TMEM192: variants seen among roughly 807,000 people sequenced by gnomAD.
TMEM192 encodes the protein transmembrane protein 192.
Under a neutral mutation model 26.7 loss-of-function variants are expected in TMEM192, and 20 were observed. The observed-to-expected ratio is 0.75, with a 90% confidence interval of 0.53 to 1.09. TMEM192 has a LOEUF of 1.09. TMEM192 is among the 50% of genes least tolerant of loss of function. TMEM192 has a pLI of 0.00. For synonymous variants in TMEM192, 124 were observed against 121.0 expected (o/e 1.02, Z -0.16); for missense variants, 304 against 322.6 (o/e 0.94, Z 0.44).
intron 1 of TMEM192, among the ~76,000 whole-genome samples, chr4:165,104,045 C>T (rs1176420895): frequency 2.0e-5 from 3 of 152,156 alleles, no homozygotes; most frequent in Admixed American, 1.3e-4. Context: ...ATCACTTGGA[C>T]CCAGGAGGTG....
At position 165,106,668 on chromosome 4, in the gene TMEM192, C is replaced by T. The variant is rs945079003; in HGVS notation, c.28-3572G>A. ...TTTGGACATCAGACTCCAGATTCTT[C>T]GGCCTTTGGACTCTGAAACCTGCAC... On this transcript the variant is annotated intron_variant, in intron 1 of 5. Coordinates refer to ENST00000306480, the MANE Select transcript of TMEM192 (RefSeq NM_001100389.2). Among the ~76,000 whole-genome samples the T allele has an allele frequency of 1.4e-4, 22 of 152,228 alleles. 1 individual carries two copies. The highest frequency in any genetic ancestry group is 9.8e-4 in the Admixed American group (15 of 15,274).
intron 3 of TMEM192, among the ~76,000 whole-genome samples, chr4:165,093,396 A>AGTTTGGTGTTTTT (rs1455930659): frequency 6.6e-6 from 1 of 152,034 alleles, no homozygotes; most frequent in African/African-American, 2.4e-5. Flanking sequence ...CGCCTGGCCA[A>AGTTTGGTGTTTTT]TACAGTTTTA....
chr4:165,098,372 G>T (rs181969011), intron 3 of TMEM192, among the ~76,000 whole-genome samples: 1 of 151,886 alleles, frequency 6.6e-6, no homozygotes, highest in Non-Finnish European at 1.5e-5. Context: ...GAATCTACCC[G>T]CCTCGGCCTC....
At chr4:165,093,035 C>T (rs1446576530) in intron 3 of TMEM192, among the ~76,000 whole-genome samples, 1 of 149,864 alleles carries the variant, frequency 6.7e-6, no homozygotes, top group African/African-American at 2.4e-5. Flanking sequence ...AGCATATTGA[C>T]AGATTCTTTG....
At position 165,078,811 on chromosome 4, in the gene TMEM192, A is replaced by G. The variant is rs1410263422; in HGVS notation, c.*847T>C. 1 of 152,434 alleles carries G rather than the reference A, an allele frequency of 6.6e-6. No homozygotes were observed. Among genetic ancestry groups the G allele is most frequent in the Non-Finnish European group, 1.5e-5 (1 of 68,272 alleles). The allele number at this position is 152,434 out of a possible 1,614,324, so 9.4% of individuals were successfully genotyped here. ...TCTTTTTCTTTTTTGTTTTTTTGAG[A>G]CGGAGTCTCGCTCTGTCGCCCAGGC... On this transcript the variant is annotated 3_prime_UTR_variant, in exon 6 of 6. Transcript: ENST00000306480.
intron 1 of TMEM192, among the ~76,000 whole-genome samples, chr4:165,107,645 A>G (rs554576590): frequency 2.0e-5 from 3 of 152,276 alleles, no homozygotes; most frequent in South Asian, 2.1e-4. Flanking sequence ...CGCCTGGCCA[A>G]GGATTTGCCT....
chr4:165,091,331 C>T (rs796831851), intron 3 of TMEM192, among the ~76,000 whole-genome samples: 14 of 152,142 alleles, frequency 9.2e-5, no homozygotes, highest in African/African-American at 3.4e-4. Context: ...TAGGGAGAGT[C>T]TTGTGGGATT....
chr4:165,093,097 C>CTTTTTTTTTTTTTT, intron 3 of TMEM192, among the ~76,000 whole-genome samples: 2 of 120,950 alleles, frequency 1.7e-5, no homozygotes, highest in African/African-American at 3.1e-5. Flanking sequence ...TTTTTTTCTT[C>CTTTTTTTTTTTTTT]TTTTTTTTTT....
intron 3 of TMEM192, among the ~76,000 whole-genome samples, chr4:165,094,864 C>T (rs1159361192): frequency 2.0e-5 from 3 of 151,858 alleles, no homozygotes; most frequent in African/African-American, 7.3e-5. Flanking sequence ...ATCCCAGCTA[C>T]TCAGGAGGCT....
intron 1 of TMEM192, among the ~76,000 whole-genome samples, chr4:165,110,482 G>C (rs192578517): frequency 3.9e-5 from 6 of 152,326 alleles, no homozygotes; most frequent in African/African-American, 1.2e-4. Context: ...CACTTTGGGA[G>C]GCCAAGGCAG....
chr4:165,103,096 C>A lies in TMEM192; in HGVS notation c.28G>T (p.Gly10Cys). Residue 10 changes from glycine to cysteine, a missense_variant and splice_region_variant, in exon 2 of 6, where the codon GGT becomes TGT. By Grantham distance (159) the Gly-to-Cys change is radical. Transcript: ENST00000306480. MAAGGRMED[G>C]SLDITQSIED... ...ATACTCTGGGTGATATCCAAGGAAC[C>A]CTGGGGTGCAGAAAAACAAGCAACC... 1 of 1,597,162 alleles carries A rather than the reference C, an allele frequency of 6.3e-7. No individual in the cohort carries two copies. The highest frequency in any genetic ancestry group is 2.2e-5 in the East Asian group (1 of 44,628).
chr4:165,112,111 T>A (rs1735305753), intron 1 of TMEM192, among the ~76,000 whole-genome samples: 1 of 152,264 alleles, frequency 6.6e-6, no homozygotes, highest in Non-Finnish European at 1.5e-5. Context: ...TTTGGTAATC[T>A]GGTTTGAATC....
At position 165,078,121 on chromosome 4, in the gene TMEM192, A is replaced by G. The variant is rs1734431700; in HGVS notation, c.*1537T>C. ...TTTAGAATGCCCCGGCAATGGCTGT[A>G]TCTAAAAGAAACAGGTATTTGCCCT... On this transcript the variant is annotated 3_prime_UTR_variant, in exon 6 of 6. Transcript: ENST00000306480. 1 of 152,170 alleles carries G rather than the reference A, an allele frequency of 6.6e-6. No homozygotes were observed. The highest frequency in any genetic ancestry group is 2.1e-4 in the South Asian group (1 of 4,834). 9.4% of individuals were successfully genotyped at this position (152,170 alleles called of 1,614,324 possible).
chr4:165,104,584 G>A (rs1227844697), intron 1 of TMEM192, among the ~76,000 whole-genome samples: 1 of 152,184 alleles, frequency 6.6e-6, no homozygotes, highest in Non-Finnish European at 1.5e-5. Context: ...AGGCTGGAGT[G>A]CAGTGGCTCA....
Position 165,085,655 on chromosome 4 carries a change from T to C in TMEM192, c.608A>G (p.Glu203Gly). 1 of 1,612,136 alleles carries C rather than the reference T, an allele frequency of 6.2e-7. No individual in the cohort carries two copies. The highest frequency in any genetic ancestry group is 8.5e-7 in the Non-Finnish European group (1 of 1,179,216). The change falls in exon 5 of 6, where the codon GAG (glutamate) becomes GGG (glycine). Residue 203 changes from glutamate to glycine, a missense_variant. By Grantham distance (98) the Glu-to-Gly change is moderately conservative. Coordinates refer to ENST00000306480, the MANE Select transcript of TMEM192 (RefSeq NM_001100389.2). ...KIRRFNKAKP[E>G]PDILEEEKIY... ...TTTTTCTTCTTCAAGTATATCAGGC[T>C]CTGGTTTAGCTTTATTAAATCTCCG...
At chr4:165,096,684 G>A (rs1734915846) in intron 3 of TMEM192, among the ~76,000 whole-genome samples, 1 of 149,440 alleles carries the variant, frequency 6.7e-6, no homozygotes, top group Non-Finnish European at 1.5e-5. Context: ...AATAAGGTAA[G>A]TACCTGCTCC....
intron 1 of TMEM192, among the ~76,000 whole-genome samples, chr4:165,106,583 T>C (rs993333669): frequency 6.6e-6 from 1 of 152,240 alleles, no homozygotes; most frequent in Non-Finnish European, 1.5e-5. Context: ...TATAAGCAGC[T>C]TGCTGAGTTT....
chr4:165,106,148 A>G (rs566642977), intron 1 of TMEM192, among the ~76,000 whole-genome samples: 38 of 152,324 alleles, frequency 2.5e-4, no homozygotes, highest in Admixed American at 2.3e-3. Context: ...GTATTTTACT[A>G]TAGCAACCCA....
intron 3 of TMEM192, among the ~76,000 whole-genome samples, chr4:165,093,150 G>C (rs1184222801): frequency 7.1e-6 from 1 of 140,728 alleles, no homozygotes; most frequent in African/African-American, 2.6e-5. Context: ...AGGCTGGAGC[G>C]CGGTGGCACG....
Sources: gnomAD v4.1 joint callset for allele counts (sites outside exome capture counted in the v4.1 genomes callset) on GRCh38, gnomAD v4.1.1 for gene constraint, MANE v1.5 for transcripts, NCBI Gene and HGNC (gene_info 2026-07-23, HGNC 2026-07-21) for gene names.